LUZP2: variants seen among roughly 807,000 people sequenced by gnomAD.
The protein encoded by LUZP2 is leucine zipper protein 2.
In LUZP2, 52 loss-of-function variants were observed where a neutral mutation model predicts 51.6. The ratio of observed to expected loss-of-function variants is 1.01; its 90% CI spans 0.81 to 1.27. The LOEUF is 1.27. LUZP2 is among the 50% of genes most tolerant of loss of function. LUZP2 has a pLI of 0.00. For synonymous variants in LUZP2, 154 were observed against 137.3 expected, an observed-to-expected ratio of 1.12 and a Z score of -0.85; for missense variants, 436 against 395.4, an observed-to-expected ratio of 1.10 and a Z score of -0.87.
chr11:24,730,569 T>C (rs1858677390), intron 2 of LUZP2, among the ~76,000 whole-genome samples: 1 of 151,808 alleles, frequency 6.6e-6, no homozygotes, highest in East Asian at 1.9e-4. Context: ...AGCCAATGCC[T>C]GAGTTTGTGG....
At chr11:24,854,576 G>A (rs1361763047) in intron 5 of LUZP2, among the ~76,000 whole-genome samples, 2 of 151,594 alleles carry the variant, frequency 1.3e-5, no homozygotes, top group African/African-American at 4.9e-5. Flanking sequence ...GGGATCCGCT[G>A]AGCTAGGCCA....
At chr11:24,994,749 A>G (rs1480070778) in intron 9 of LUZP2, among the ~76,000 whole-genome samples, 5 of 152,176 alleles carry the variant, frequency 3.3e-5, no homozygotes. Flanking sequence ...AAATCTTCGA[A>G]TATTCTATTT....
intron 5 of LUZP2, among the ~76,000 whole-genome samples, chr11:24,797,332 T>A (rs1327312127): frequency 6.6e-6 from 1 of 152,128 alleles, no homozygotes; most frequent in Non-Finnish European, 1.5e-5. Flanking sequence ...AAAACCACAA[T>A]TGATGTGATG....
intron 1 of LUZP2, among the ~76,000 whole-genome samples, chr11:24,560,377 T>G (rs1038316935): frequency 6.6e-6 from 1 of 152,108 alleles, no homozygotes; most frequent in African/African-American, 2.4e-5. Context: ...ATGTGAAGGG[T>G]TAAGCTGGGG....
At chr11:24,521,961 T>C (rs1850655115) in intron 1 of LUZP2, among the ~76,000 whole-genome samples, 1 of 152,098 alleles carries the variant, frequency 6.6e-6, no homozygotes, top group Non-Finnish European at 1.5e-5. Context: ...AATATATATA[T>C]ATATTTTTCG....
At chr11:24,676,671 T>G in intron 1 of LUZP2, among the ~76,000 whole-genome samples, 1 of 134,048 alleles carries the variant, frequency 7.5e-6, no homozygotes, top group East Asian at 2.5e-4. Context: ...GTTTTTTTTT[T>G]GTTTGTTTTT....
At chr11:25,069,224 C>A (rs1320387244) in intron 10 of LUZP2, among the ~76,000 whole-genome samples, 3 of 151,848 alleles carry the variant, frequency 2.0e-5, no homozygotes, top group Non-Finnish European at 4.4e-5. Context: ...AAATATAAAT[C>A]TTTGAACGAT....
At chr11:25,053,925 A>G (rs1212083895) in intron 10 of LUZP2, among the ~76,000 whole-genome samples, 3 of 152,176 alleles carry the variant, frequency 2.0e-5, no homozygotes, top group African/African-American at 4.8e-5. Flanking sequence ...CATCTTCACC[A>G]TTAAAACCTC....
chr11:24,904,840 A>C (rs540160534), intron 5 of LUZP2, among the ~76,000 whole-genome samples: 2 of 152,304 alleles, frequency 1.3e-5, no homozygotes, highest in South Asian at 2.1e-4. Flanking sequence ...GACTAAAAAA[A>C]GACTCAAATA....
intron 1 of LUZP2, among the ~76,000 whole-genome samples, chr11:24,728,324 A>G (rs1858569158): frequency 6.6e-6 from 1 of 151,792 alleles, no homozygotes; most frequent in Non-Finnish European, 1.5e-5. Flanking sequence ...AAACACACAC[A>G]CACACAGTTA....
chr11:24,826,785 T>A (rs1045642360), intron 5 of LUZP2, among the ~76,000 whole-genome samples: 1 of 151,938 alleles, frequency 6.6e-6, no homozygotes, highest in African/African-American at 2.4e-5. Flanking sequence ...AAATGAAAAA[T>A]CTTTTCTGAA....
chr11:25,018,765 G>T (rs1286261312), intron 9 of LUZP2, among the ~76,000 whole-genome samples: 1 of 151,806 alleles, frequency 6.6e-6, no homozygotes, highest in Admixed American at 6.6e-5. Context: ...ATGCCACCAT[G>T]CCTGGCTAAG....
intron 1 of LUZP2, among the ~76,000 whole-genome samples, chr11:24,518,999 G>T (rs1850559693): frequency 6.6e-6 from 1 of 152,152 alleles, no homozygotes; most frequent in South Asian, 2.1e-4. Context: ...AGGACAGTCA[G>T]CTATGAAAGT....
At chr11:24,620,725 A>C (rs140093617) in intron 1 of LUZP2, among the ~76,000 whole-genome samples, 6 of 152,308 alleles carry the variant, frequency 3.9e-5, no homozygotes, top group African/African-American at 1.4e-4. Context: ...CCATAAGTAC[A>C]TGCTCCAGAA....
At chr11:24,551,065 A>G (rs1851710512) in intron 1 of LUZP2, among the ~76,000 whole-genome samples, 1 of 152,108 alleles carries the variant, frequency 6.6e-6, no homozygotes, top group Non-Finnish European at 1.5e-5. Flanking sequence ...GGGGAAAAAT[A>G]TCTTCATGTA....
chr11:24,721,574 A>G (rs1443132187), intron 1 of LUZP2, among the ~76,000 whole-genome samples: 1 of 152,180 alleles, frequency 6.6e-6, no homozygotes, highest in African/African-American at 2.4e-5. Context: ...AATTCAAAAG[A>G]TTCTAAATGT....
Position 25,079,925 on chromosome 11 carries a change from A to G in LUZP2, c.*1267A>G, listed in dbSNP as rs1367115873. 1 of 152,172 alleles carries G rather than the reference A, an allele frequency of 6.6e-6. No individual in the cohort carries two copies. Among genetic ancestry groups the G allele is most frequent in the Non-Finnish European group, 1.5e-5 (1 of 68,028 alleles). 9.4% of individuals were successfully genotyped at this position (152,172 alleles called of 1,614,324 possible). On this transcript the variant is annotated 3_prime_UTR_variant, in exon 12 of 12. Transcript: ENST00000336930. Reference sequence around the variant, plus strand: ...CAGTTAATAAAAATGTATTAAAGGAAATCTTTAATCAATAAATGAACTTAG... The same window carrying G: ...CAGTTAATAAAAATGTATTAAAGGAGATCTTTAATCAATAAATGAACTTAG...
chr11:24,588,847 A>AT (rs145112988), intron 1 of LUZP2, among the ~76,000 whole-genome samples: 11 of 151,326 alleles, frequency 7.3e-5, no homozygotes, highest in Non-Finnish European at 1.0e-4. Flanking sequence ...AATCTCAATA[A>AT]TTTTTTTTTA....
chr11:25,016,241 C>T lies in LUZP2; in HGVS notation c.765+32948C>T, dbSNP rs1227215379. Among the ~76,000 whole-genome samples the T allele has an allele frequency of 2.6e-5, 4 of 151,910 alleles. No homozygotes were observed. The East Asian group carries it at 7.7e-4, about 29-fold the overall frequency. ...GGCCATCAAGTGTGAAATTTTAATG[C>T]ACCTGCCATCCAAGTAGTATATATT... On this transcript the variant is annotated intron_variant, in intron 9 of 11. Transcript: ENST00000336930.
Sources: allele counts gnomAD v4.1 joint callset (sites outside exome capture counted in the v4.1 genomes callset), GRCh38; gene constraint gnomAD v4.1.1; transcripts MANE v1.5; gene names NCBI Gene and HGNC (gene_info 2026-07-23, HGNC 2026-07-21).